Variants in DIAPH3 observed in about 807,000 individuals in gnomAD.
DIAPH3 encodes protein diaphanous homolog 3.
A neutral mutation model predicts 144.3 loss-of-function variants in DIAPH3; 117 were observed. The ratio of observed to expected loss-of-function variants is 0.81; its 90% CI spans 0.70 to 0.95. The LOEUF (loss-of-function observed/expected upper bound fraction) is 0.95. DIAPH3 is among the 40% of genes least tolerant of loss of function. The pLI is 0.00. For missense variants in DIAPH3, 1,421 were observed against 1,412.7 expected, an observed-to-expected ratio of 1.01 and a Z score of -0.09; for synonymous variants, 519 against 488.9, an observed-to-expected ratio of 1.06 and a Z score of -0.81.
intron 25 of DIAPH3, among the ~76,000 whole-genome samples, chr13:59,799,965 T>G (rs764318072): frequency 6.6e-6 from 1 of 152,164 alleles, no homozygotes; most frequent in Admixed American, 6.5e-5. Context: ...TATTAAAGAT[T>G]AATATTGAGT....
At chr13:59,913,210 C>T (rs1316098882) in intron 19 of DIAPH3, among the ~76,000 whole-genome samples, 1 of 152,102 alleles carries the variant, frequency 6.6e-6, no homozygotes, top group African/African-American at 2.4e-5. Flanking sequence ...CATCTTTCAC[C>T]TGAATTTTTT....
chr13:59,711,757 C>A (rs1322686499), intron 27 of DIAPH3, among the ~76,000 whole-genome samples: 1 of 152,136 alleles, frequency 6.6e-6, no homozygotes, highest in Non-Finnish European at 1.5e-5. Flanking sequence ...GAATTCAGAT[C>A]AAAGTTTGAA....
chr13:60,093,553 T>G lies in DIAPH3; in HGVS notation c.495+75A>C, dbSNP rs1016073456. On this transcript the variant is annotated intron_variant, in intron 4 of 27. Transcript: ENST00000400324. ...TACAGTTGCCCACAAACTTAAGTAC[T>G]TCATTAGATAAATGTGCTGTTTTCC... is the stretch of plus-strand genomic sequence containing the variant. 12 of 991,920 alleles carry G rather than the reference T, an allele frequency of 1.2e-5. No individual in the cohort carries two copies. The African/African-American group carries it at 1.6e-4, about 13-fold the overall frequency. The allele number at this position is 991,920 out of a possible 1,614,324, so 61.4% of individuals were successfully genotyped here.
chr13:60,008,165 G>A (rs1047889497), intron 9 of DIAPH3, among the ~76,000 whole-genome samples: 2 of 152,020 alleles, frequency 1.3e-5, no homozygotes, highest in East Asian at 1.9e-4. Context: ...AGGCCGACGC[G>A]GGTAGATCAC....
At chr13:59,746,227 T>C (rs2036696235) in intron 27 of DIAPH3, among the ~76,000 whole-genome samples, 1 of 151,860 alleles carries the variant, frequency 6.6e-6, no homozygotes, top group South Asian at 2.1e-4. Flanking sequence ...GGTTTTTGTT[T>C]GTTTGTTTAT....
At chr13:59,748,994 A>C (rs1260048609) in intron 27 of DIAPH3, among the ~76,000 whole-genome samples, 5 of 151,948 alleles carry the variant, frequency 3.3e-5, no homozygotes, top group African/African-American at 1.2e-4. Context: ...TGTGTGGATT[A>C]CTTGAGGTCA....
Position 59,879,271 on chromosome 13 carries a change from C to G in DIAPH3, c.2565G>C (p.Arg855=), listed in dbSNP as rs150395977. The G allele has an allele frequency of 4.7e-4, 756 of 1,613,822 alleles. 4 individuals carry two copies. The African/African-American group carries it at 8.9e-3, about 19-fold the overall frequency. The change falls in exon 21 of 28, where the codon CGG becomes CGC. Residue 855 remains arginine (R), a synonymous_variant. Coordinates refer to ENST00000400324, the MANE Select transcript of DIAPH3 (RefSeq NM_001042517.2). The part of the protein sequence containing the change: ...LMGNYMNAGS[R]NAQTFGFNLS... ...GGTTAAATCCGAAGGTTTGAGCATT[C>G]CGGGAGCCAGCATTCATGTAGTTTC...
At chr13:59,885,892 C>A (rs1043944964) in intron 20 of DIAPH3, among the ~76,000 whole-genome samples, 6 of 152,026 alleles carry the variant, frequency 3.9e-5, no homozygotes, top group Admixed American at 2.6e-4. Flanking sequence ...CCAATGCCTT[C>A]ATTTATGACT....
intron 3 of DIAPH3, among the ~76,000 whole-genome samples, chr13:60,111,524 C>T (rs1368732919): frequency 6.6e-6 from 1 of 152,210 alleles, no homozygotes; most frequent in Non-Finnish European, 1.5e-5. Context: ...TGAGCTCCGC[C>T]TCTTGTCAGA....
chr13:60,134,137 T>A (rs1390763684), intron 1 of DIAPH3, among the ~76,000 whole-genome samples: 3 of 152,164 alleles, frequency 2.0e-5, no homozygotes, highest in African/African-American at 7.2e-5. Flanking sequence ...GGAAAGAAGG[T>A]AACTTGTATC....
chr13:59,827,945 G>A lies in DIAPH3; in HGVS notation c.3027+5162C>T, dbSNP rs536915982. ...TTCCATGAGCTCAATTAATCCTGTA[G>A]AAGCATGATATCATTTGCTAATAAC... is the stretch of plus-strand genomic sequence containing the variant. On this transcript the variant is annotated intron_variant, in intron 24 of 27. Transcript: ENST00000400324. Among the ~76,000 whole-genome samples the A allele has an allele frequency of 3.9e-5, 6 of 152,142 alleles. No individual in the cohort carries two copies. The South Asian group carries it at 8.3e-4, about 21-fold the overall frequency.
At chr13:59,669,913 C>G (rs55746702) in intron 27 of DIAPH3, among the ~76,000 whole-genome samples, 7,806 of 152,224 alleles carry the variant, frequency 0.051, 218 homozygotes, top group African/African-American at 0.057. Context: ...TTGTCAAGGT[C>G]GCTAATGAAC....
chr13:59,670,583 CT>C lies in DIAPH3; in HGVS notation c.3320-3738del, dbSNP rs1229739034. Among the ~76,000 whole-genome samples, 715 of 134,664 alleles carry C rather than the reference CT, an allele frequency of 5.3e-3. 4 individuals are homozygous for C. The highest frequency in any genetic ancestry group is 0.016 in the Middle Eastern group (4 of 258). The allele number at this position is 134,664 out of a possible 152,430, so 88.3% of individuals were successfully genotyped here. ...AGGAAGTGCTCAAGCTGGAAGTTCACTTTTTTTTTTTTTTTTTTTGAGACAG... is the reference window on the plus strand; with the variant it reads ...AGGAAGTGCTCAAGCTGGAAGTTCACTTTTTTTTTTTTTTTTTTGAGACAG... On this transcript the variant is annotated intron_variant, in intron 27 of 27. Transcript: ENST00000400324.
chr13:59,696,395 T>C (rs1316629325), intron 27 of DIAPH3, among the ~76,000 whole-genome samples: 2 of 152,238 alleles, frequency 1.3e-5, no homozygotes, highest in Non-Finnish European at 2.9e-5. Context: ...TGTGGAGTTA[T>C]TTCTTGGAGA....
intron 27 of DIAPH3, among the ~76,000 whole-genome samples, chr13:59,721,010 C>G (rs922793400): frequency 6.6e-6 from 1 of 152,060 alleles, no homozygotes; most frequent in Non-Finnish European, 1.5e-5. Context: ...TATTTGTATT[C>G]TATTAAAACA....
At chr13:60,157,494 A>G (rs890704957) in intron 1 of DIAPH3, among the ~76,000 whole-genome samples, 1 of 152,176 alleles carries the variant, frequency 6.6e-6, no homozygotes, top group African/African-American at 2.4e-5. Context: ...CATTTCATTC[A>G]TTGTGAGCAT....
chr13:59,841,967 A>C (rs879943752), intron 22 of DIAPH3, among the ~76,000 whole-genome samples: 1 of 152,134 alleles, frequency 6.6e-6, no homozygotes, highest in Non-Finnish European at 1.5e-5. Flanking sequence ...TTCATTCCAG[A>C]CCTTATTTTT....
intron 4 of DIAPH3, among the ~76,000 whole-genome samples, chr13:60,065,548 GA>G (rs2056929243): frequency 6.6e-6 from 1 of 152,106 alleles, no homozygotes. Flanking sequence ...AAAAATGAAT[GA>G]ACAAGGGAGA....
chr13:60,043,094 T>C (rs2055805404), intron 4 of DIAPH3, among the ~76,000 whole-genome samples: 1 of 152,166 alleles, frequency 6.6e-6, no homozygotes, highest in African/African-American at 2.4e-5. Context: ...TTGTATACTA[T>C]AGAAAATATC....
Sources: gnomAD v4.1 joint callset for allele counts (sites outside exome capture counted in the v4.1 genomes callset) on GRCh38, gnomAD v4.1.1 for gene constraint, MANE v1.5 for transcripts, NCBI Gene and HGNC (gene_info 2026-07-23, HGNC 2026-07-21) for gene names.